The following MYT1L variants were observed in gnomAD, a reference collection of about 807,000 sequenced individuals.
MYT1L encodes myelin transcription factor 1-like protein.
MYT1L carries 12 observed loss-of-function variants against 126.7 expected under a neutral mutation model. The observed-to-expected ratio is 0.09, with a 90% CI of 0.06 to 0.15. The LOEUF (loss-of-function observed/expected upper bound fraction) is 0.15. Ranked by LOEUF, MYT1L falls within the 10% of genes least tolerant of loss-of-function variation. The pLI is 1.00. For missense variants in MYT1L, 979 were observed against 1,585.2 expected, an observed-to-expected ratio of 0.62 and a Z score of 6.49; for synonymous variants, 541 against 604.2, an observed-to-expected ratio of 0.90 and a Z score of 1.53.
chr2:1,899,955 A>G (rs2050120629), intron 14 of MYT1L, among the ~76,000 whole-genome samples: 1 of 152,178 alleles, frequency 6.6e-6, no homozygotes, highest in African/African-American at 2.4e-5. Context: ...GAGTGGTTTG[A>G]TCACAGCTGG....
chr2:1,860,690 A>G (rs544832780), intron 18 of MYT1L, among the ~76,000 whole-genome samples: 6 of 152,278 alleles, frequency 3.9e-5, no homozygotes, highest in African/African-American at 1.4e-4. Flanking sequence ...CTTACTCTCA[A>G]CACGGCCATT....
chr2:1,908,030 G>A (rs1437959562), intron 13 of MYT1L, among the ~76,000 whole-genome samples: 3 of 152,354 alleles, frequency 2.0e-5, no homozygotes, highest in Admixed American at 6.5e-5. Flanking sequence ...TGAGACTAGC[G>A]TCTCTTTCTT....
At chr2:1,832,440 T>A (rs961457984) in intron 21 of MYT1L, among the ~76,000 whole-genome samples, 8 of 152,230 alleles carry the variant, frequency 5.3e-5, no homozygotes, top group Non-Finnish European at 1.2e-4. Flanking sequence ...TCTTTCCTTG[T>A]GTTCCCAACT....
intron 3 of MYT1L, among the ~76,000 whole-genome samples, chr2:2,117,578 T>A (rs997197984): frequency 6.6e-6 from 1 of 152,202 alleles, no homozygotes; most frequent in Non-Finnish European, 1.5e-5. Context: ...ACACAATCCA[T>A]GTTGTGAGAC....
chr2:2,007,912 C>G (rs1574470772), intron 4 of MYT1L, among the ~76,000 whole-genome samples: 1 of 152,168 alleles, frequency 6.6e-6, no homozygotes, highest in African/African-American at 2.4e-5. Context: ...TAATGAGAGA[C>G]CACCTGGTGA....
intron 22 of MYT1L, chr2:1,802,004 A>G (rs1270109496): frequency 5.3e-5 from 26 of 492,902 alleles, no homozygotes; most frequent in Non-Finnish European, 1.1e-5. Context: ...GTTCCCCTAC[A>G]AAAAGGAACA....
chr2:1,809,201 C>CT, intron 21 of MYT1L, 34 bp from the exon 22 acceptor site: 1 of 1,584,874 alleles, frequency 6.3e-7, no homozygotes, highest in Non-Finnish European at 8.7e-7. Context: ...CATTAGTCAA[C>CT]TGTCTAATGT....
chr2:2,072,262 C>G (rs116423448), intron 3 of MYT1L, among the ~76,000 whole-genome samples: 1 of 152,164 alleles, frequency 6.6e-6, no homozygotes, highest in Non-Finnish European at 1.5e-5. Flanking sequence ...CTCTTGGAAA[C>G]AGTACCACTA....
intron 1 of MYT1L, among the ~76,000 whole-genome samples, chr2:2,320,638 G>C (rs1445186624): frequency 6.6e-6 from 1 of 152,038 alleles, no homozygotes; most frequent in African/African-American, 2.4e-5. Flanking sequence ...GCCAAAAACA[G>C]GTTTGAATAC....
At chr2:1,956,647 T>G (rs1294675762) in intron 8 of MYT1L, among the ~76,000 whole-genome samples, 4 of 150,624 alleles carry the variant, frequency 2.7e-5, no homozygotes, top group African/African-American at 7.4e-5. Flanking sequence ...TAGCTATCTA[T>G]TTATCTATCT....
intron 9 of MYT1L, among the ~76,000 whole-genome samples, chr2:1,933,996 A>C (rs1573715224): frequency 1.9e-5 from 2 of 108,074 alleles, no homozygotes; most frequent in African/African-American, 7.3e-5. Flanking sequence ...TTTTTTTGAG[A>C]TGGAGTCTTG....
At chr2:2,252,070 C>G (rs575507611) in intron 2 of MYT1L, among the ~76,000 whole-genome samples, 7 of 152,234 alleles carry the variant, frequency 4.6e-5, no homozygotes, top group African/African-American at 1.7e-4. Flanking sequence ...AACTAAAATT[C>G]AGCTGTCCTT....
chr2:2,306,235 T>A (rs1340204223), intron 1 of MYT1L: 1 of 152,212 alleles, frequency 6.6e-6, no homozygotes, highest in Non-Finnish European at 1.5e-5. Context: ...TCATTAACAT[T>A]GATTGCTGTG....
intron 1 of MYT1L, among the ~76,000 whole-genome samples, chr2:2,313,635 A>G (rs2096012635): frequency 6.6e-6 from 1 of 152,150 alleles, no homozygotes; most frequent in Non-Finnish European, 1.5e-5. Flanking sequence ...ATTCACTACT[A>G]TAGTAAAGTG....
At chr2:2,292,173 T>A (rs1241739849) in intron 1 of MYT1L, among the ~76,000 whole-genome samples, 1 of 152,188 alleles carries the variant, frequency 6.6e-6, no homozygotes, top group Non-Finnish European at 1.5e-5. Flanking sequence ...ATGCAAGAAT[T>A]CCTGCAGAGT....
chr2:2,305,596 A>G (rs545473115), intron 1 of MYT1L, among the ~76,000 whole-genome samples: 1 of 152,174 alleles, frequency 6.6e-6, no homozygotes, highest in Non-Finnish European at 1.5e-5. Flanking sequence ...ACACTGCTAT[A>G]AAGAACTACC....
At chr2:2,166,311 C>G (rs1174472340) in intron 3 of MYT1L, among the ~76,000 whole-genome samples, 4 of 152,204 alleles carry the variant, frequency 2.6e-5, no homozygotes, top group African/African-American at 4.8e-5. Flanking sequence ...TATGGCCTCC[C>G]TCCCAGCCTC....
At chr2:2,322,992 T>C (rs1456950295) in intron 1 of MYT1L, among the ~76,000 whole-genome samples, 1 of 152,176 alleles carries the variant, frequency 6.6e-6, no homozygotes, top group African/African-American at 2.4e-5. Context: ...GAAAAAGAAA[T>C]GTGTCTGTGT....
chr2:1,927,655 T>C (rs566624841), intron 9 of MYT1L, among the ~76,000 whole-genome samples: 69 of 152,076 alleles, frequency 4.5e-4, no homozygotes, highest in Non-Finnish European at 6.3e-4. Flanking sequence ...ATAGAAAACA[T>C]AGAGGAAGCC....
Sources: gnomAD v4.1 joint callset for allele counts (sites outside exome capture counted in the v4.1 genomes callset) on GRCh38, gnomAD v4.1.1 for gene constraint, MANE v1.5 for transcripts, NCBI Gene and HGNC (gene_info 2026-07-23, HGNC 2026-07-21) for gene names.